NR2C2: variants seen among roughly 807,000 people sequenced by gnomAD.
NR2C2 encodes the protein nuclear receptor subfamily 2 group C member 2, also known as Nuclear hormone receptor TR4.
Under a neutral mutation model 62.9 loss-of-function variants are expected in NR2C2, and 6 were observed. That is an observed-to-expected ratio of 0.10 (90% CI 0.05 to 0.19). The LOEUF (loss-of-function observed/expected upper bound fraction) is 0.19. NR2C2 is among the 10% of genes least tolerant of loss of function. The probability of loss-of-function intolerance (pLI) is 1.00; values close to 1 mark genes in which losing one functional copy is unlikely to be tolerated. For missense variants in NR2C2, 479 were observed against 762.7 expected (o/e 0.63, Z 4.38); for synonymous variants, 272 against 273.8 (o/e 0.99, Z 0.07).
intron 1 of NR2C2, among the ~76,000 whole-genome samples, chr3:14,960,072 TA>T (rs2039649173): frequency 6.6e-6 from 1 of 152,196 alleles, no homozygotes; most frequent in East Asian, 1.9e-4. Flanking sequence ...ATTGAGGAGT[TA>T]CATATGAGGG....
rs186663613 is a variant in NR2C2, at chr3:15,018,971, C to T, written c.377-1782C>T. 7.1e-5 allele frequency among the ~76,000 whole-genome samples: 10 copies of T among 141,384 alleles called. No homozygotes were observed. In the East Asian group the frequency reaches 1.8e-3, roughly 26 times the overall value. 92.8% of individuals were successfully genotyped at this position (141,384 alleles called of 152,430 possible). A position where few individuals can be genotyped will look rare whatever the true frequency, so the allele number is the denominator to read the frequency against. On this transcript the variant is annotated intron_variant, in intron 4 of 13. Coordinates refer to ENST00000425241, the MANE Select transcript of NR2C2 (RefSeq NM_001291694.2). ...CAGAGGTTGCAGTAAGCCAAGATCG[C>T]ACCACTGCACTCCAGCCTGGGTGAC...
At chr3:15,006,636 C>T (rs974552948) in intron 2 of NR2C2, among the ~76,000 whole-genome samples, 2 of 152,148 alleles carry the variant, frequency 1.3e-5, no homozygotes, top group African/African-American at 4.8e-5. Context: ...TCTCTAGGTT[C>T]CTGGGCCATG....
At chr3:15,033,938 G>A (rs2042042634) in intron 10 of NR2C2, among the ~76,000 whole-genome samples, 1 of 152,198 alleles carries the variant, frequency 6.6e-6, no homozygotes, top group Non-Finnish European at 1.5e-5. Flanking sequence ...ATTTGGGAAT[G>A]ACCCAGTGCA....
intron 8 of NR2C2, among the ~76,000 whole-genome samples, chr3:15,029,798 T>TAGAC (rs1309990304): frequency 1.7e-4 from 19 of 111,166 alleles, no homozygotes; most frequent in African/African-American, 7.6e-4. Flanking sequence ...AAATAATAGA[T>TAGAC]AGATAGATAG....
chr3:14,960,871 G>C (rs553288058), intron 1 of NR2C2, among the ~76,000 whole-genome samples: 1 of 152,176 alleles, frequency 6.6e-6, no homozygotes, highest in African/African-American at 2.4e-5. Context: ...GACTTTTCTG[G>C]TAGACTTAAA....
intron 1 of NR2C2, among the ~76,000 whole-genome samples, chr3:14,952,705 G>A (rs1310258233): frequency 6.6e-6 from 1 of 151,976 alleles, no homozygotes; most frequent in East Asian, 1.9e-4. Context: ...TTCCTTATTC[G>A]TTGGAGGTTT....
chr3:15,030,162 G>A (rs921878709), intron 8 of NR2C2, 113 bp from the exon 9 acceptor site: 10 of 874,876 alleles, frequency 1.1e-5, no homozygotes, highest in African/African-American at 1.8e-5. Context: ...CCATCTCTAC[G>A]GTAGAATTTA....
chr3:14,983,318 C>A (rs1392415702), intron 1 of NR2C2, among the ~76,000 whole-genome samples: 1 of 151,364 alleles, frequency 6.6e-6, no homozygotes, highest in Non-Finnish European at 1.5e-5. Context: ...GTCAGATGCT[C>A]TTTTTTTTTA....
rs997976613 is a variant in NR2C2 at position 15,047,376 on chromosome 3, G to C, written c.*4368G>C. The C allele has an allele frequency of 8.5e-5, 13 of 152,318 alleles. No individual in the cohort carries two copies. In the East Asian group the frequency reaches 2.5e-3, roughly 29 times the overall value. 9.4% of individuals were successfully genotyped at this position (152,318 alleles called of 1,614,324 possible). ...CATTTCCGTATATTCTCTAGGTTCG[G>C]ACAAGAGCCAGGAAGCTGGAAGACA... is the stretch of plus-strand genomic sequence containing the variant. On this transcript the variant is annotated 3_prime_UTR_variant, in exon 14 of 14. Transcript: ENST00000425241.
chr3:14,991,854 C>T (rs2040682342), intron 1 of NR2C2, among the ~76,000 whole-genome samples: 1 of 148,454 alleles, frequency 6.7e-6, no homozygotes, highest in Non-Finnish European at 1.5e-5. Context: ...ACTGTAGCCT[C>T]AAACTCCTGA....
rs576771161 is a variant in NR2C2 at position 14,951,997 on chromosome 3, C to T, written c.-40+4091C>T. On this transcript the variant is annotated intron_variant, in intron 1 of 13. Coordinates refer to ENST00000425241, the MANE Select transcript of NR2C2 (RefSeq NM_001291694.2). ...TCCTGACCTCGTGATCCGCCTGCCT[C>T]GGCCTCCCAAAGTGCTGGGATTACA... 7.9e-5 allele frequency among the ~76,000 whole-genome samples: 12 copies of T among 152,308 alleles called. No homozygotes were observed. The South Asian group carries it at 2.1e-3, about 26-fold the overall frequency.
chr3:15,031,293 A>G (rs1435310390), intron 9 of NR2C2, among the ~76,000 whole-genome samples: 2 of 151,852 alleles, frequency 1.3e-5, no homozygotes, highest in African/African-American at 4.8e-5. Flanking sequence ...CACTTTTTCT[A>G]CAGGACACTC....
At chr3:14,957,418 TG>T (rs2039558022) in intron 1 of NR2C2, among the ~76,000 whole-genome samples, 1 of 152,196 alleles carries the variant, frequency 6.6e-6, no homozygotes, top group Admixed American at 6.5e-5. Context: ...GCTATCACTT[TG>T]TGAGCCTGGA....
chr3:15,030,962 G>A (rs1487812565), intron 9 of NR2C2, among the ~76,000 whole-genome samples: 2 of 152,104 alleles, frequency 1.3e-5, no homozygotes, highest in African/African-American at 4.8e-5. Context: ...CTTGTCTTTT[G>A]CTCACAGTGC....
intron 1 of NR2C2, among the ~76,000 whole-genome samples, chr3:14,972,808 A>G (rs1040268464): frequency 6.6e-6 from 1 of 151,698 alleles, no homozygotes; most frequent in Non-Finnish European, 1.5e-5. Flanking sequence ...CAGGTGTCTT[A>G]CATGGCAGGG....
chr3:15,003,488 G>T (rs1363791083), intron 1 of NR2C2, among the ~76,000 whole-genome samples: 1 of 152,168 alleles, frequency 6.6e-6, no homozygotes, highest in Admixed American at 6.5e-5. Flanking sequence ...CCCCTGCTGT[G>T]TTGTGAGAGC....
At chr3:15,027,427 C>T (rs2041855626) in intron 7 of NR2C2, among the ~76,000 whole-genome samples, 1 of 152,274 alleles carries the variant, frequency 6.6e-6, no homozygotes, top group African/African-American at 2.4e-5. Context: ...CACATCCTTA[C>T]CAACACTTGT....
chr3:14,976,070 A>G (rs2040194964), intron 1 of NR2C2, among the ~76,000 whole-genome samples: 1 of 152,080 alleles, frequency 6.6e-6, no homozygotes, highest in South Asian at 2.1e-4. Flanking sequence ...CACCACACCC[A>G]GTCCAGATTT....
At position 15,013,608 on chromosome 3, in the gene NR2C2, C is replaced by T; in HGVS notation, c.92C>T (p.Thr31Ile). The T allele has an allele frequency of 6.2e-7, 1 of 1,614,112 alleles. No homozygotes were observed. Among genetic ancestry groups the T allele is most frequent in the Non-Finnish European group, 8.5e-7 (1 of 1,179,998 alleles). Residue 31 changes from threonine (T) to isoleucine (I), a missense_variant, in exon 3 of 14, where the codon ACA becomes ATA. Coordinates refer to ENST00000425241, the MANE Select transcript of NR2C2 (RefSeq NM_001291694.2). The stretch of plus-strand genomic sequence containing the variant: ...TTATAGATTGTCACAGACCAGCAGA[C>T]AGGACAGAAAATCCAGATAGTCACC... ...QRIQIVTDQQTGQKIQIVTAV... is the reference protein window; with the variant it reads ...QRIQIVTDQQIGQKIQIVTAV...
Sources: allele counts gnomAD v4.1 joint callset (sites outside exome capture counted in the v4.1 genomes callset), GRCh38; gene constraint gnomAD v4.1.1; transcripts MANE v1.5; gene names NCBI Gene and HGNC (gene_info 2026-07-23, HGNC 2026-07-21).